The following PHF24 variants were observed in gnomAD, a reference collection of about 807,000 sequenced individuals.
PHF24 encodes Galpha inhibitory interacting protein.
A neutral mutation model predicts 42.6 loss-of-function variants in PHF24; 25 were observed. The observed-to-expected ratio is 0.59, with a 90% CI of 0.43 to 0.82. The LOEUF (loss-of-function observed/expected upper bound fraction) is 0.82, where lower values mean the gene tolerates loss of function less well. Ranked by LOEUF, PHF24 falls within the 40% of genes least tolerant of loss-of-function variation. PHF24 has a pLI of 0.00. For missense variants in PHF24, 470 were observed against 538.1 expected (o/e 0.87, Z 1.25); for synonymous variants, 185 against 204.8 (o/e 0.90, Z 0.83).
At chr9:34,666,344 C>A in the PHF24 span, among the ~76,000 whole-genome samples, 1 of 152,138 alleles carries the variant, frequency 6.6e-6, no homozygotes, top group Non-Finnish European at 1.5e-5. Context: ...CTCTACCCCT[C>A]CCTGGGCTTC....
the PHF24 span, among the ~76,000 whole-genome samples, chr9:34,851,818 C>T: frequency 1.6e-4 from 24 of 152,146 alleles, no homozygotes; most frequent in African/African-American, 5.6e-4. Flanking sequence ...GTTTACTTTA[C>T]CCCCTAATTT....
chr9:34,865,233 A>G, the PHF24 span, among the ~76,000 whole-genome samples: 2 of 149,586 alleles, frequency 1.3e-5, no homozygotes, highest in African/African-American at 4.9e-5. Flanking sequence ...TTAAGTTGTT[A>G]TCAGCTTAAA....
the PHF24 span, among the ~76,000 whole-genome samples, chr9:34,867,352 G>A: frequency 6.6e-6 from 1 of 152,204 alleles, no homozygotes; most frequent in East Asian, 1.9e-4. Context: ...AACATTTGCT[G>A]AGTGTAGCCT....
chr9:34,688,615 CT>C, the PHF24 span, among the ~76,000 whole-genome samples: 257 of 152,304 alleles, frequency 1.7e-3, no homozygotes, highest in African/African-American at 5.7e-3. Context: ...TCTCTGACCT[CT>C]GACTCCCAGG....
At chr9:34,727,905 A>T in the PHF24 span, 1 of 931,976 alleles carries the variant, frequency 1.1e-6, no homozygotes, top group Non-Finnish European at 1.6e-6. Flanking sequence ...CCCTGCTTCC[A>T]CTGTGTATGT....
At chr9:34,911,493 C>A in the PHF24 span, among the ~76,000 whole-genome samples, 1 of 152,146 alleles carries the variant, frequency 6.6e-6, no homozygotes, top group South Asian at 2.1e-4. Context: ...ATGTCGTGAT[C>A]CACCCGCCTC....
chr9:34,689,905 C>T, the PHF24 span: 3 of 1,614,050 alleles, frequency 1.9e-6, no homozygotes, highest in African/African-American at 1.3e-5. The surrounding 1 kb of genome is among the most constrained non-coding windows in gnomAD (Gnocchi z 4.1). Context: ...AGGGAGGAGA[C>T]AGGGCCAGGG....
rs202013956 is a variant in PHF24 at position 34,972,395 on chromosome 9, G to A, written c.428G>A (p.Ser143Asn). 2.2e-5 allele frequency: 36 copies of A among 1,614,052 alleles called. No homozygotes were observed. The highest frequency in any genetic ancestry group is 2.8e-5 in the Non-Finnish European group (33 of 1,179,956). Residue 143 changes from serine (S) to asparagine (N), a missense_variant, in exon 3 of 8, where the codon AGC becomes AAC. Physicochemically the swap from Ser to Asn is conservative, Grantham distance 46 (BLOSUM62 1). Coordinates refer to ENST00000242315, the Ensembl canonical transcript of PHF24. ...GTTTGTGAGGTCTGGACAGCTGAGA[G>A]CCTCTTCCCGTGCAGGGTCTGCACC...
chr9:34,972,438 C>T (rs1448503859), exon 3 of PHF24: 1 of 1,614,158 alleles, frequency 6.2e-7, no homozygotes, highest in Non-Finnish European at 8.5e-7. Flanking sequence ...TCCATGATGG[C>T]TGCCTGCGCC....
the PHF24 span, chr9:34,710,263 G>A: frequency 0.68 from 404,969 of 592,598 alleles, 140,475 homozygotes; most frequent in East Asian, 0.95. Context: ...CTCAAACTAA[G>A]TGGACAGTCC....
At chr9:34,811,437 A>G in the PHF24 span, among the ~76,000 whole-genome samples, 2 of 152,222 alleles carry the variant, frequency 1.3e-5, no homozygotes, top group African/African-American at 4.8e-5. Flanking sequence ...GGGGTTTGTT[A>G]TAAGAGCGAG....
chr9:34,748,259 T>G, the PHF24 span, among the ~76,000 whole-genome samples: 1 of 152,238 alleles, frequency 6.6e-6, no homozygotes, highest in African/African-American at 2.4e-5. Context: ...TTTCTGTATG[T>G]ATGTTATACT....
At chr9:34,689,011 T>C in the PHF24 span, among the ~76,000 whole-genome samples, 2 of 152,144 alleles carry the variant, frequency 1.3e-5, no homozygotes, top group Non-Finnish European at 2.9e-5. This position sits in a 1 kb window ranked among gnomAD's most constrained non-coding sequence, Gnocchi z 4.1. Context: ...GAAGGCTTCC[T>C]GGAGGAAGAG....
chr9:34,837,880 G>A, the PHF24 span, among the ~76,000 whole-genome samples: 2 of 151,754 alleles, frequency 1.3e-5, no homozygotes, highest in African/African-American at 4.8e-5. Flanking sequence ...TGCTTATTTC[G>A]GATTCACTTG....
chr9:34,925,045 G>A, the PHF24 span, among the ~76,000 whole-genome samples: 1 of 152,090 alleles, frequency 6.6e-6, no homozygotes, highest in Non-Finnish European at 1.5e-5. Context: ...AGGCCTAGTG[G>A]TAATGAATTC....
At chr9:34,939,024 T>TAATC in the PHF24 span, among the ~76,000 whole-genome samples, 6,362 of 151,512 alleles carry the variant, frequency 0.042, 185 homozygotes, top group Non-Finnish European at 0.064. Context: ...CTTTCACCTG[T>TAATC]AATCCCAGCA....
At chr9:34,936,268 G>A in the PHF24 span, among the ~76,000 whole-genome samples, 1 of 152,182 alleles carries the variant, frequency 6.6e-6, no homozygotes, top group African/African-American at 2.4e-5. Flanking sequence ...ACGGGGTTTC[G>A]CTGTGTTCGC....
At chr9:34,696,696 GTGACATT>G in the PHF24 span, among the ~76,000 whole-genome samples, 2 of 152,120 alleles carry the variant, frequency 1.3e-5, no homozygotes. Context: ...ACTTGGAATG[GTGACATT>G]TGAGCAGAGA....
the PHF24 span, among the ~76,000 whole-genome samples, chr9:34,885,602 C>T: frequency 6.6e-6 from 1 of 152,220 alleles, no homozygotes; most frequent in African/African-American, 2.4e-5. Flanking sequence ...AAGGCAGCCT[C>T]TGTCTTCCTG....
Sources: allele counts gnomAD v4.1 joint callset (sites outside exome capture counted in the v4.1 genomes callset), GRCh38; gene constraint gnomAD v4.1.1; non-coding constraint Gnocchi (gnomAD v3.1); transcripts MANE v1.5; gene names NCBI Gene and HGNC (gene_info 2026-07-23, HGNC 2026-07-21).